Variants in ZNF609 observed in about 807,000 individuals in gnomAD.
ZNF609 encodes zinc finger protein 609.
ZNF609 carries 11 observed loss-of-function variants against 109.5 expected under a neutral mutation model. That is an observed-to-expected ratio of 0.10 (90% CI 0.06 to 0.17). The LOEUF is 0.17. Among genes scored for constraint, ZNF609 ranks in the 10% least tolerant of loss-of-function variants. ZNF609 has a pLI of 1.00. For synonymous variants in ZNF609, 646 were observed against 662.0 expected (o/e 0.98, Z 0.37); for missense variants, 1,559 against 1,772.4 (o/e 0.88, Z 2.16).
At chr15:64,648,014 G>A (rs1339113374) in intron 3 of ZNF609, among the ~76,000 whole-genome samples, 19 of 152,130 alleles carry the variant, frequency 1.2e-4, no homozygotes, top group Non-Finnish European at 7.4e-5. Flanking sequence ...TAGGTCAAAC[G>A]TAAAATCAAT....
intron 1 of ZNF609, among the ~76,000 whole-genome samples, chr15:64,487,718 C>T (rs1476437705): frequency 7.2e-5 from 11 of 152,140 alleles, no homozygotes; most frequent in South Asian, 2.1e-4. Flanking sequence ...CTGCAACCTC[C>T]GCCTCCTGGG....
intron 2 of ZNF609, among the ~76,000 whole-genome samples, chr15:64,522,093 C>T (rs1893899504): frequency 1.3e-5 from 2 of 152,190 alleles, no homozygotes; most frequent in African/African-American, 4.8e-5. Flanking sequence ...CTAATGCCCC[C>T]GGGGCAAACT....
chr15:64,544,924 A>T (rs1233761989), intron 2 of ZNF609, among the ~76,000 whole-genome samples: 1 of 152,226 alleles, frequency 6.6e-6, no homozygotes, highest in Non-Finnish European at 1.5e-5. Flanking sequence ...GCATGTTTCA[A>T]GATGGCCCAT....
chr15:64,590,060 A>T (rs1246424235), intron 2 of ZNF609, among the ~76,000 whole-genome samples: 1 of 152,158 alleles, frequency 6.6e-6, no homozygotes. Flanking sequence ...AGAAGGTAAG[A>T]AAAAAACACA....
chr15:64,605,803 G>A (rs561288765), intron 2 of ZNF609, among the ~76,000 whole-genome samples: 53 of 145,674 alleles, frequency 3.6e-4, no homozygotes, highest in South Asian at 6.5e-4. Flanking sequence ...GCGCGATCTC[G>A]GCTCACTGCA....
At chr15:64,644,037 A>G (rs1166121652) in intron 3 of ZNF609, among the ~76,000 whole-genome samples, 1 of 151,432 alleles carries the variant, frequency 6.6e-6, no homozygotes, top group East Asian at 2.0e-4. Flanking sequence ...CCAGGAGGTC[A>G]TGGCTACAGT....
intron 3 of ZNF609, among the ~76,000 whole-genome samples, chr15:64,642,217 T>C (rs958056871): frequency 3.9e-5 from 6 of 152,170 alleles, no homozygotes; most frequent in Admixed American, 6.5e-5. Context: ...AGAGTCTCGT[T>C]CTGTCACCCA....
chr15:64,506,491 C>G (rs183134676), intron 2 of ZNF609, among the ~76,000 whole-genome samples: 1 of 149,838 alleles, frequency 6.7e-6, no homozygotes, highest in Non-Finnish European at 1.5e-5. Flanking sequence ...GAGGCCAAGG[C>G]GGGTGGATCA....
chr15:64,507,100 A>C (rs142039241), intron 2 of ZNF609, among the ~76,000 whole-genome samples: 1 of 152,176 alleles, frequency 6.6e-6, no homozygotes, highest in African/African-American at 2.4e-5. Context: ...TTCAGACTTC[A>C]TATGAATCGA....
Position 64,675,629 on chromosome 15 carries a change from G to A in ZNF609, c.2775G>A (p.Lys925=). ...CAGGAGTGGAGAGCCAGGCCCTGAAGACAAAAAGGGATGAGGAACCTGAGA... is the reference window on the plus strand; with the variant it reads ...CAGGAGTGGAGAGCCAGGCCCTGAAAACAAAAAGGGATGAGGAACCTGAGA... ...SQAGVESQAL[K]TKRDEEPESI... is the part of the protein sequence containing the mutation. The change falls in exon 5 of 10, where the codon AAG becomes AAA. Residue 925 remains lysine (K), a synonymous_variant. Transcript: ENST00000326648. 1.2e-6 allele frequency: 2 copies of A among 1,613,956 alleles called. No individual in the cohort carries two copies. Among genetic ancestry groups the A allele is most frequent in the South Asian group, 2.2e-5 (2 of 91,082 alleles).
chr15:64,529,341 G>A (rs1595708682), intron 2 of ZNF609: 2 of 727,910 alleles, frequency 2.7e-6, no homozygotes, highest in African/African-American at 1.7e-5. Flanking sequence ...CTGCAAGTGA[G>A]CCCCAGCCTT....
At chr15:64,650,332 G>A (rs1385283767) in intron 3 of ZNF609, among the ~76,000 whole-genome samples, 1 of 149,844 alleles carries the variant, frequency 6.7e-6, no homozygotes, top group African/African-American at 2.5e-5. Context: ...CAGGAGAATT[G>A]CTTGAACCCA....
At chr15:64,637,388 CCTAT>C (rs905186755) in intron 3 of ZNF609, among the ~76,000 whole-genome samples, 2 of 152,212 alleles carry the variant, frequency 1.3e-5, no homozygotes, top group East Asian at 3.9e-4. Context: ...TATACATATT[CCTAT>C]CTATCTATAC....
chr15:64,519,065 T>G (rs1420976547), intron 2 of ZNF609, among the ~76,000 whole-genome samples: 2 of 128,640 alleles, frequency 1.6e-5, no homozygotes, highest in Non-Finnish European at 3.1e-5. Flanking sequence ...GTGAAAGTTA[T>G]AGGATGCTGA....
At chr15:64,562,249 C>G (rs2060976194) in intron 2 of ZNF609, among the ~76,000 whole-genome samples, 3 of 152,192 alleles carry the variant, frequency 2.0e-5, no homozygotes, top group African/African-American at 7.2e-5. Context: ...GTTCTGTTCA[C>G]TTAAATTCAC....
intron 2 of ZNF609, among the ~76,000 whole-genome samples, chr15:64,612,243 G>T (rs1231104012): frequency 1.3e-5 from 2 of 151,062 alleles, no homozygotes; most frequent in African/African-American, 4.9e-5. Context: ...CGCCTCCCAG[G>T]TTCACGCCAT....
At chr15:64,583,667 G>A (rs1343666997) in intron 2 of ZNF609, among the ~76,000 whole-genome samples, 1 of 152,172 alleles carries the variant, frequency 6.6e-6, no homozygotes, top group Non-Finnish European at 1.5e-5. Flanking sequence ...GTTGTGCATG[G>A]TGCGGGTGAG....
At position 64,676,166 on chromosome 15, in the gene ZNF609, C is replaced by T; in HGVS notation, c.3312C>T (p.Ala1104=). The T allele has an allele frequency of 6.2e-7, 1 of 1,614,196 alleles. No individual in the cohort carries two copies. Among genetic ancestry groups the T allele is most frequent in the Non-Finnish European group, 8.5e-7 (1 of 1,180,036 alleles). ...GCCTTAAAGTGAAGCTGAGTGATGC[C>T]AGCCACCTAAGCAAGGAGGCCTCTG... is the stretch of plus-strand genomic sequence containing the variant. ...PEGLKVKLSD[A]SHLSKEASEA... Residue 1104 remains alanine (A), a synonymous_variant, in exon 5 of 10, where the codon GCC becomes GCT. Transcript: ENST00000326648.
intron 2 of ZNF609, among the ~76,000 whole-genome samples, chr15:64,568,960 T>G (rs1894820707): frequency 6.6e-6 from 1 of 152,214 alleles, no homozygotes; most frequent in Non-Finnish European, 1.5e-5. Flanking sequence ...AGATATTATC[T>G]TAACCACTCT....
Sources: gnomAD v4.1 joint callset for allele counts (sites outside exome capture counted in the v4.1 genomes callset) on GRCh38, gnomAD v4.1.1 for gene constraint, MANE v1.5 for transcripts, NCBI Gene and HGNC (gene_info 2026-07-23, HGNC 2026-07-21) for gene names.